Variants in IPO9 observed in about 807,000 individuals in gnomAD.
The protein encoded by IPO9 is importin 9.
Under a neutral mutation model 128.6 loss-of-function variants are expected in IPO9, and 28 were observed. That is an observed-to-expected ratio of 0.22 (90% CI 0.16 to 0.30). The LOEUF is 0.30. Among genes scored for constraint, IPO9 ranks in the 10% least tolerant of loss-of-function variants. IPO9 has a pLI of 1.00. For synonymous variants in IPO9, 455 were observed against 475.8 expected (o/e 0.96, Z 0.57); for missense variants, 935 against 1,293.9 (o/e 0.72, Z 4.26).
chr1:201,854,585 C>G lies in IPO9; in HGVS notation c.691-10C>G. On this transcript the variant is annotated splice_polypyrimidine_tract_variant and intron_variant, in intron 6 of 23. Coordinates refer to ENST00000361565, the MANE Select transcript of IPO9 (RefSeq NM_018085.5). The stretch of plus-strand genomic sequence containing the variant: ...GTTTGTCCAGTATTGACTTTGGTTT[C>G]TGTTATCAGGGTGCAGCCAAAGTCC... 6.2e-7 allele frequency: 1 copy of G among 1,613,046 alleles called. No homozygotes were observed. The highest frequency in any genetic ancestry group is 1.1e-5 in the South Asian group (1 of 90,974).
At position 201,866,769 on chromosome 1, in the gene IPO9, C is replaced by A; in HGVS notation, c.1665C>A (p.His555Gln). 6.2e-7 allele frequency: 1 copy of A among 1,614,078 alleles called. No individual in the cohort carries two copies. Among genetic ancestry groups the A allele is most frequent in the South Asian group, 1.1e-5 (1 of 91,084 alleles). ...AACTGAAAGTCTCAGAGAGTACCCA[C>A]GTGCTCCAGCCCTTCCTCCCCAGCA... The part of the protein sequence containing the change: ...CDQLKVSEST[H>Q]VLQPFLPSIL... Residue 555 changes from histidine (H) to glutamine (Q), a missense_variant, in exon 15 of 24, where the codon CAC (histidine) becomes CAA (glutamine). Transcript: ENST00000361565.
At chr1:201,873,165 G>A (rs186641627) in intron 20 of IPO9, among the ~76,000 whole-genome samples, 78 of 152,210 alleles carry the variant, frequency 5.1e-4, no homozygotes, top group Non-Finnish European at 4.6e-4. Flanking sequence ...AAAATAGGCC[G>A]GGCATGGTGG....
chr1:201,836,450 A>G (rs752743918), intron 1 of IPO9, among the ~76,000 whole-genome samples: 1 of 152,082 alleles, frequency 6.6e-6, no homozygotes, highest in Non-Finnish European at 1.5e-5. Context: ...CAGTGGTGTG[A>G]TCATAGCTCA....
intron 1 of IPO9, among the ~76,000 whole-genome samples, chr1:201,847,062 A>G (rs1305968965): frequency 6.6e-6 from 1 of 152,244 alleles, no homozygotes; most frequent in Non-Finnish European, 1.5e-5. Context: ...GTGACTGGAA[A>G]AAGTGTAAGG....
rs746403336 is a variant in IPO9 at position 201,854,668 on chromosome 1, C to T, written c.764C>T (p.Pro255Leu). The T allele has an allele frequency of 6.2e-7, 1 of 1,614,014 alleles. No homozygotes were observed. Among genetic ancestry groups the T allele is most frequent in the Non-Finnish European group, 8.5e-7 (1 of 1,180,012 alleles). ...TEAFVQALQI[P>L]DGPTSDSGFK... is the part of the protein sequence containing the mutation. Reference sequence around the variant, plus strand: ...GCCTTTGTTCAGGCCCTCCAGATACCAGATGGCCCCACATCTGACAGTGGG... The same window carrying T: ...GCCTTTGTTCAGGCCCTCCAGATACTAGATGGCCCCACATCTGACAGTGGG... Residue 255 changes from proline to leucine, a missense_variant, in exon 7 of 24, where the codon CCA becomes CTA. Physicochemically the swap from Pro to Leu is moderately conservative, Grantham distance 98. This residue lies in a region of IPO9 where 741 missense variants were observed against 1,019.1 expected (regional missense o/e 0.73). Transcript: ENST00000361565.
At chr1:201,856,760 C>T (rs1453177233) in intron 10 of IPO9, among the ~76,000 whole-genome samples, 3 of 152,116 alleles carry the variant, frequency 2.0e-5, no homozygotes, top group Non-Finnish European at 4.4e-5. Context: ...AGACAAAGCT[C>T]ACGGCAGCCT....
At chr1:201,866,440 A>G (rs1020826790) in intron 14 of IPO9, among the ~76,000 whole-genome samples, 33 of 151,754 alleles carry the variant, frequency 2.2e-4, no homozygotes, top group African/African-American at 7.5e-4. Context: ...AAAGTGAAAC[A>G]TAAAATGTTT....
chr1:201,859,590 C>T (rs1055740474), intron 13 of IPO9, among the ~76,000 whole-genome samples: 1 of 152,142 alleles, frequency 6.6e-6, no homozygotes, highest in Non-Finnish European at 1.5e-5. Flanking sequence ...TCATTTTTCT[C>T]AAACTTTATT....
In IPO9 at chr1:201,874,929, T is replaced by A. The variant is rs2271764; in HGVS notation, c.2931T>A (p.Ser977Arg). ...TTTTATCTGACATTCTTGCTACAAG[T>A]AAATATGGTAAGCTGTTTGATAAGA... ...GQLLSDILAT[S>R]KYEEDYYEDD... The change falls in exon 22 of 24, where the codon AGT becomes AGA. Residue 977 changes from serine to arginine, a missense_variant. Ser to Arg is a moderately radical substitution (Grantham distance 110, BLOSUM62 -1). Around this residue, in one of 3 missense-constraint regions of IPO9, gnomAD observed 188 missense variants for 246.7 expected, o/e 0.76. Transcript: ENST00000361565. The A allele has an allele frequency of 6.2e-7, 1 of 1,605,082 alleles. No individual in the cohort carries two copies. The highest frequency in any genetic ancestry group is 1.1e-5 in the South Asian group (1 of 90,894).
chr1:201,874,259 G>A lies in IPO9; in HGVS notation c.2720G>A (p.Arg907His), dbSNP rs965028397. ...TTTTCTTCCTTCCCAGACCCAGAAC[G>A]CTGGACAAACATTCCTTTGCTGGTC... is the stretch of plus-strand genomic sequence containing the variant. ...TRSKSAKNPERWTNIPLLVKI... is the reference protein window; with the variant it reads ...TRSKSAKNPEHWTNIPLLVKI... The change falls in exon 21 of 24, where the codon CGC (arginine) becomes CAC (histidine). Residue 907 changes from arginine to histidine, a missense_variant. By Grantham distance (29) the Arg-to-His change is conservative. Around this residue, in one of 3 missense-constraint regions of IPO9, gnomAD observed 188 missense variants for 246.7 expected, o/e 0.76. Transcript: ENST00000361565. The A allele has an allele frequency of 7.4e-6, 12 of 1,613,744 alleles. No individual in the cohort carries two copies. The East Asian group carries it at 2.2e-4, about 30-fold the overall frequency.
rs1680384170 is a variant in IPO9, at chr1:201,858,946, A to C, written c.1420A>C (p.Met474Leu). 2 of 1,612,798 alleles carry C rather than the reference A, an allele frequency of 1.2e-6. No homozygotes were observed. Among genetic ancestry groups the C allele is most frequent in the Non-Finnish European group, 1.7e-6 (2 of 1,179,072 alleles). The change falls in exon 13 of 24, where the codon ATG (methionine) becomes CTG (leucine). Residue 474 changes from methionine to leucine, a missense_variant. Physicochemically the swap from Met to Leu is conservative, Grantham distance 15. Around this residue, in one of 3 missense-constraint regions of IPO9, gnomAD observed 741 missense variants for 1,019.1 expected, o/e 0.73. Coordinates refer to ENST00000361565, the MANE Select transcript of IPO9 (RefSeq NM_018085.5). The part of the protein sequence containing the change: ...SVKNGRIHFD[M>L]HGFLTNVILA... Reference sequence around the variant, plus strand: ...GAAAAATGGCAGGATTCATTTTGACATGCATGGGTTCCTGACCAATGTCAT... The same window carrying C: ...GAAAAATGGCAGGATTCATTTTGACCTGCATGGGTTCCTGACCAATGTCAT...
In IPO9 at chr1:201,874,262, G is replaced by T; in HGVS notation, c.2723G>T (p.Trp908Leu). ...TCTTCCTTCCCAGACCCAGAACGCTGGACAAACATTCCTTTGCTGGTCAAG... is the reference window on the plus strand; with the variant it reads ...TCTTCCTTCCCAGACCCAGAACGCTTGACAAACATTCCTTTGCTGGTCAAG... ...RSKSAKNPER[W>L]TNIPLLVKIL... The change falls in exon 21 of 24, where the codon TGG becomes TTG. Residue 908 changes from tryptophan (W) to leucine (L), a missense_variant. Coordinates refer to ENST00000361565, the MANE Select transcript of IPO9 (RefSeq NM_018085.5). The T allele has an allele frequency of 6.2e-7, 1 of 1,613,806 alleles. No homozygotes were observed. Among genetic ancestry groups the T allele is most frequent in the South Asian group, 1.1e-5 (1 of 91,062 alleles).
rs763047612 is a variant in IPO9 at position 201,880,426 on chromosome 1, G to A, written c.*4372G>A. The stretch of plus-strand genomic sequence containing the variant: ...AAGGCTAAGATGTAGAGGACAAATC[G>A]TGTCAAGGAAAAGAAGCTTGAAGGA... On this transcript the variant is annotated 3_prime_UTR_variant, in exon 24 of 24. Coordinates refer to ENST00000361565, the MANE Select transcript of IPO9 (RefSeq NM_018085.5). 1.3e-5 allele frequency: 2 copies of A among 152,184 alleles called. No individual in the cohort carries two copies. Among genetic ancestry groups the A allele is most frequent in the Non-Finnish European group, 2.9e-5 (2 of 68,034 alleles). 9.4% of individuals were successfully genotyped at this position (152,184 alleles called of 1,614,324 possible).
intron 13 of IPO9, among the ~76,000 whole-genome samples, chr1:201,862,262 A>C (rs1351829811): frequency 1.3e-5 from 2 of 152,170 alleles, no homozygotes; most frequent in East Asian, 3.9e-4. Context: ...GTTCAAGACC[A>C]GCCTGGCCAA....
chr1:201,856,995 G>C, intron 10 of IPO9, 101 bp from the exon 11 acceptor site: 1 of 824,334 alleles, frequency 1.2e-6, no homozygotes, highest in East Asian at 2.5e-5. Flanking sequence ...CAAAAGGCTA[G>C]AGTTTTTTCA....
intron 14 of IPO9, among the ~76,000 whole-genome samples, chr1:201,864,442 T>G (rs1007940886): frequency 1.4e-4 from 21 of 152,222 alleles, no homozygotes; most frequent in African/African-American, 4.6e-4. Flanking sequence ...TCTAACACCA[T>G]TTTAAATGTC....
intron 19 of IPO9, 57 bp downstream of exon 19, chr1:201,871,384 T>A: frequency 2.1e-6 from 2 of 975,544 alleles, no homozygotes; most frequent in South Asian, 2.2e-5. Context: ...TTCTTTTTTT[T>A]TTTTTTTTTT....
At chr1:201,868,342 G>A (rs978642913) in intron 15 of IPO9, among the ~76,000 whole-genome samples, 40 of 148,312 alleles carry the variant, frequency 2.7e-4, no homozygotes, top group Non-Finnish European at 3.1e-4. Flanking sequence ...GTTTTATAAC[G>A]TAGGTTTCAC....
intron 13 of IPO9, among the ~76,000 whole-genome samples, chr1:201,861,629 C>CATCT (rs1680449937): frequency 6.6e-6 from 1 of 152,160 alleles, no homozygotes; most frequent in African/African-American, 2.4e-5. Context: ...AGCAGAGGAG[C>CATCT]ATCTGTATTG....
Sources: gnomAD v4.1 joint callset for allele counts (sites outside exome capture counted in the v4.1 genomes callset) on GRCh38, gnomAD v4.1.1 for gene constraint, gnomAD v4.1.1 regional missense constraint, MANE v1.5 for transcripts, NCBI Gene and HGNC (gene_info 2026-07-23, HGNC 2026-07-21) for gene names.